The following SH3D19 variants were observed in gnomAD, a reference collection of about 807,000 sequenced individuals.
SH3D19 encodes the protein SH3 domain containing 19.
Under a neutral mutation model 112.1 loss-of-function variants are expected in SH3D19, and 58 were observed. That is an observed-to-expected ratio of 0.52 (90% CI 0.42 to 0.64). The LOEUF (loss-of-function observed/expected upper bound fraction) is 0.64. Ranked by LOEUF, SH3D19 falls within the 30% of genes least tolerant of loss-of-function variation. The pLI is 0.00. For synonymous variants in SH3D19, 391 were observed against 448.5 expected (o/e 0.87, Z 1.62); for missense variants, 1,090 against 1,263.4 (o/e 0.86, Z 2.08).
intron 9 of SH3D19, among the ~76,000 whole-genome samples, chr4:151,150,206 A>AATATATATAT (rs1554037659): frequency 2.2e-5 from 1 of 46,174 alleles, no homozygotes; most frequent in Non-Finnish European, 4.2e-5. Context: ...AAAAAAAAAA[A>AATATATATAT]ATATATATAT....
intron 1 of SH3D19, among the ~76,000 whole-genome samples, chr4:151,292,776 T>TA (rs1212051368): frequency 8.5e-5 from 13 of 152,048 alleles, no homozygotes; most frequent in African/African-American, 1.9e-4. Flanking sequence ...GATCCTTTTA[T>TA]AAAAAAAACT....
intron 2 of SH3D19, among the ~76,000 whole-genome samples, chr4:151,220,200 A>G (rs1767806089): frequency 6.6e-6 from 1 of 152,190 alleles, no homozygotes; most frequent in African/African-American, 2.4e-5. Flanking sequence ...TTTGATCTTC[A>G]AAGTTGCCTT....
Position 151,126,979 on chromosome 4 carries a change from G to C in SH3D19, c.3027+639C>G, listed in dbSNP as rs370217778. Among the ~76,000 whole-genome samples, 6 of 149,442 alleles carry C rather than the reference G, an allele frequency of 4.0e-5. 1 individual carries two copies. Among genetic ancestry groups the C allele is most frequent in the Admixed American group, 1.3e-4 (2 of 15,008 alleles). On this transcript the variant is annotated intron_variant, in intron 19 of 19. Coordinates refer to ENST00000604030, the MANE Select transcript of SH3D19 (RefSeq NM_001378122.1). ...GACAAGAGTGCAGTGGTGCAATCTC[G>C]GCTCACTGCAAGCTCCACCTCCCGG...
At chr4:151,142,374 G>T (rs116360861) in intron 12 of SH3D19, among the ~76,000 whole-genome samples, 11 of 152,194 alleles carry the variant, frequency 7.2e-5, no homozygotes, top group African/African-American at 2.6e-4. Context: ...CTAATTAGGT[G>T]TCACACCCCA....
chr4:151,240,278 G>A (rs937660630), intron 1 of SH3D19, among the ~76,000 whole-genome samples: 2 of 149,364 alleles, frequency 1.3e-5, no homozygotes, highest in African/African-American at 5.1e-5. Flanking sequence ...AGGAACAGTG[G>A]CACGAGCCTG....
Position 151,316,630 on chromosome 4 carries a change from A to AT in SH3D19, c.112+8610dup, listed in dbSNP as rs1030439623. Reference sequence around the variant, plus strand: ...TTTCCCTTGGTATAACTTGGAACAAATTTTTTTTCCCTTGGTATAACTTGG... The same window carrying AT: ...TTTCCCTTGGTATAACTTGGAACAAATTTTTTTTTCCCTTGGTATAACTTGG... On this transcript the variant is annotated intron_variant, in intron 1 of 19. Coordinates refer to ENST00000604030, the MANE Select transcript of SH3D19 (RefSeq NM_001378122.1). Among the ~76,000 whole-genome samples the AT allele has an allele frequency of 4.0e-5, 6 of 151,886 alleles. No homozygotes were observed. In the East Asian group the frequency reaches 7.7e-4, roughly 20 times the overall value.
At chr4:151,307,591 C>T (rs1208329392) in intron 1 of SH3D19, among the ~76,000 whole-genome samples, 1 of 152,242 alleles carries the variant, frequency 6.6e-6, no homozygotes, top group African/African-American at 2.4e-5. Context: ...GAGTTTGAGG[C>T]CTTGCGAGGC....
At chr4:151,127,492 C>T (rs1057056066) in intron 19 of SH3D19, 126 bp downstream of exon 19, 2 of 548,174 alleles carry the variant, frequency 3.6e-6, no homozygotes, top group East Asian at 6.6e-5. Flanking sequence ...CCCCTAGAAT[C>T]AGGGCCTGAG....
At chr4:151,169,566 A>G (rs1561272886) in intron 7 of SH3D19, among the ~76,000 whole-genome samples, 1 of 152,192 alleles carries the variant, frequency 6.6e-6, no homozygotes, top group Admixed American at 6.5e-5. Context: ...GCTTCTCTCT[A>G]GCAACGTAAG....
intron 2 of SH3D19, among the ~76,000 whole-genome samples, chr4:151,215,381 C>G (rs1020691088): frequency 2.0e-5 from 3 of 152,236 alleles, no homozygotes; most frequent in Non-Finnish European, 4.4e-5. Context: ...ACTGCCTGCA[C>G]AAGGCAGTGT....
At chr4:151,185,276 T>G (rs1182716929) in intron 3 of SH3D19, among the ~76,000 whole-genome samples, 1 of 152,046 alleles carries the variant, frequency 6.6e-6, no homozygotes, top group Non-Finnish European at 1.5e-5. Context: ...ACAGCAGGGC[T>G]GGGTTCATTG....
At chr4:151,164,025 G>T (rs1226427827) in intron 8 of SH3D19, among the ~76,000 whole-genome samples, 2 of 152,006 alleles carry the variant, frequency 1.3e-5, no homozygotes, top group Admixed American at 6.6e-5. Context: ...CAATTTTCTT[G>T]CTACTTGGCT....
At chr4:151,255,530 C>G (rs559265481) in intron 1 of SH3D19, among the ~76,000 whole-genome samples, 1 of 151,456 alleles carries the variant, frequency 6.6e-6, no homozygotes, top group African/African-American at 2.4e-5. Flanking sequence ...GGAGACGCTC[C>G]TCACTTTCCA....
chr4:151,225,635 T>C (rs1472565766), intron 2 of SH3D19, among the ~76,000 whole-genome samples: 2 of 152,220 alleles, frequency 1.3e-5, no homozygotes, highest in Non-Finnish European at 2.9e-5. Context: ...TTTTGTTTTG[T>C]TCTGCTTTTT....
intron 19 of SH3D19, among the ~76,000 whole-genome samples, chr4:151,123,183 GA>G (rs1748408525): frequency 6.6e-6 from 1 of 152,026 alleles, no homozygotes; most frequent in Non-Finnish European, 1.5e-5. Context: ...TTATTTTAGT[GA>G]AAAAGAAACC....
Position 151,144,030 on chromosome 4 carries a change from C to T in SH3D19, c.2103G>A (p.Met701Ile). ...SKYMRGDVLV[M>I]LKQTENNYLE... ...AGTAATTATTTTCCGTCTGCTTCAG[C>T]ATCACAAGTACATCCCCACGCTGCA... Residue 701 changes from methionine (M) to isoleucine (I), a missense_variant, in exon 12 of 20, where the codon ATG becomes ATA. Transcript: ENST00000604030. 1 of 1,614,012 alleles carries T rather than the reference C, an allele frequency of 6.2e-7. No homozygotes were observed. The highest frequency in any genetic ancestry group is 8.5e-7 in the Non-Finnish European group (1 of 1,179,964).
At chr4:151,145,354 A>G (rs546351769) in intron 11 of SH3D19, among the ~76,000 whole-genome samples, 1 of 152,308 alleles carries the variant, frequency 6.6e-6, no homozygotes, top group South Asian at 2.1e-4. Flanking sequence ...ACCACAAAAG[A>G]TGACATTCCA....
intron 1 of SH3D19, among the ~76,000 whole-genome samples, chr4:151,317,834 G>A (rs4696247): frequency 0.28 from 42,939 of 151,702 alleles, 6,866 homozygotes; most frequent in East Asian, 0.37. Flanking sequence ...ATCAGCCAAC[G>A]TGGTCGCAGG....
At chr4:151,206,863 C>T (rs1354231364) in intron 2 of SH3D19, among the ~76,000 whole-genome samples, 1 of 152,182 alleles carries the variant, frequency 6.6e-6, no homozygotes. Context: ...TTTGGGACTA[C>T]ATCACCTCCG....
Sources: allele counts gnomAD v4.1 joint callset (sites outside exome capture counted in the v4.1 genomes callset), GRCh38; gene constraint gnomAD v4.1.1; transcripts MANE v1.5; gene names NCBI Gene and HGNC (gene_info 2026-07-23, HGNC 2026-07-21).